Variants in PTCHD4 observed in about 807,000 individuals in gnomAD.
PTCHD4 encodes the protein patched domain-containing protein 4.
A neutral mutation model predicts 58.1 loss-of-function variants in PTCHD4; 33 were observed. That is an observed-to-expected ratio of 0.57 (90% CI 0.43 to 0.76). PTCHD4 has a LOEUF of 0.76. PTCHD4 is among the 30% of genes least tolerant of loss of function. The pLI, the probability that PTCHD4 is intolerant of heterozygous loss-of-function variation, is 0.00. For synonymous variants in PTCHD4, 478 were observed against 409.6 expected (o/e 1.17, Z -2.02); for missense variants, 1,058 against 1,027.1 (o/e 1.03, Z -0.41).
At chr6:47,909,800 T>C (rs371849019) in intron 4 of PTCHD4, among the ~76,000 whole-genome samples, 22 of 152,112 alleles carry the variant, frequency 1.4e-4, no homozygotes, top group African/African-American at 5.3e-4. Context: ...ATTCTTCCTT[T>C]TTTCCTTTCT....
At chr6:48,093,861 A>T (rs1765412382) in intron 1 of PTCHD4, among the ~76,000 whole-genome samples, 1 of 152,182 alleles carries the variant, frequency 6.6e-6, no homozygotes, top group Non-Finnish European at 1.5e-5. Flanking sequence ...GGAGAATTAC[A>T]CTGAAGCTGC....
chr6:48,025,420 A>G (rs1041774172), intron 3 of PTCHD4, among the ~76,000 whole-genome samples: 1 of 152,178 alleles, frequency 6.6e-6, no homozygotes, highest in Admixed American at 6.5e-5. Flanking sequence ...AATTTGGTCC[A>G]TTGTTCTTAA....
intron 4 of PTCHD4, among the ~76,000 whole-genome samples, chr6:47,983,222 A>G (rs1300396465): frequency 6.6e-6 from 1 of 152,198 alleles, no homozygotes; most frequent in African/African-American, 2.4e-5. Flanking sequence ...TTTGGGTACT[A>G]AAGTATATGA....
chr6:47,986,586 T>C lies in PTCHD4; in HGVS notation c.898+22048A>G, dbSNP rs149459044. On this transcript the variant is annotated intron_variant, in intron 4 of 4. Coordinates refer to ENST00000339488, the MANE Select transcript of PTCHD4 (RefSeq NM_001384253.1). ...TGATATGGAGATATATGTGACTGCT[T>C]CTACCTGTCTTCAACTGCTTTATAA... is the stretch of plus-strand genomic sequence containing the variant. 8.2e-3 allele frequency among the ~76,000 whole-genome samples: 1,256 copies of C among 152,248 alleles called. 19 individuals are homozygous for C. Among genetic ancestry groups the C allele is most frequent in the Non-Finnish European group, 0.01 (691 of 67,984 alleles).
intron 1 of PTCHD4, among the ~76,000 whole-genome samples, chr6:48,096,192 T>C: frequency 6.6e-6 from 1 of 152,136 alleles, no homozygotes; most frequent in East Asian, 1.9e-4. Context: ...GGAAGTGACA[T>C]TTCAATTAGT....
intron 3 of PTCHD4, among the ~76,000 whole-genome samples, chr6:48,046,902 C>G (rs779758333): frequency 6.6e-6 from 1 of 151,716 alleles, no homozygotes. Flanking sequence ...GGTTATATTC[C>G]TAACTTCTAA....
At chr6:48,078,574 A>G (rs1477528945) in intron 1 of PTCHD4, among the ~76,000 whole-genome samples, 3 of 152,202 alleles carry the variant, frequency 2.0e-5, no homozygotes, top group Admixed American at 1.3e-4. Flanking sequence ...GCATTTTTAG[A>G]TTTATTCTCT....
intron 4 of PTCHD4, among the ~76,000 whole-genome samples, chr6:47,992,970 G>C (rs528284544): frequency 1.5e-3 from 233 of 152,294 alleles, no homozygotes; most frequent in African/African-American, 5.5e-3. Context: ...AAGGACTTCA[G>C]GGTGAGTGTG....
chr6:47,901,709 G>T, intron 4 of PTCHD4: 1 of 1,167,154 alleles, frequency 8.6e-7, no homozygotes, highest in Non-Finnish European at 1.1e-6. Context: ...AAAATAGAGG[G>T]CTGGGTTCTT....
intron 4 of PTCHD4, among the ~76,000 whole-genome samples, chr6:47,887,343 T>C (rs1433619827): frequency 1.3e-5 from 2 of 151,352 alleles, no homozygotes; most frequent in African/African-American, 2.4e-5. Context: ...TTACTATTTA[T>C]CATTAGTTCT....
At position 48,069,142 on chromosome 6, in the gene PTCHD4, G is replaced by A. The variant is rs192712850; in HGVS notation, c.-185C>T. On this transcript the variant is annotated 5_prime_UTR_variant, in exon 2 of 5. Transcript: ENST00000339488. ...AGAAGCAGACATGTGCCCCATAAAG[G>A]GGGGGGGGGCTGAGGGGGGGAGAGG... is the stretch of plus-strand genomic sequence containing the variant. 4.2e-5 allele frequency among the ~76,000 whole-genome samples: 4 copies of A among 95,700 alleles called. No homozygotes were observed. Among genetic ancestry groups the A allele is most frequent in the Admixed American group, 9.6e-5 (1 of 10,398 alleles). 62.8% of individuals were successfully genotyped at this position (95,700 alleles called of 152,430 possible).
intron 3 of PTCHD4, among the ~76,000 whole-genome samples, chr6:48,029,094 A>G (rs1453609788): frequency 6.6e-6 from 1 of 152,118 alleles, no homozygotes; most frequent in Admixed American, 6.6e-5. Context: ...TGCTGGTATA[A>G]TACTATCAAT....
chr6:47,980,883 A>G (rs1767861194), intron 4 of PTCHD4, among the ~76,000 whole-genome samples: 1 of 151,982 alleles, frequency 6.6e-6, no homozygotes, highest in African/African-American at 2.4e-5. Context: ...TAATAGTTGC[A>G]TTCTGTTTTA....
intron 3 of PTCHD4, among the ~76,000 whole-genome samples, chr6:48,027,588 G>GTCC (rs1763293235): frequency 6.6e-6 from 1 of 151,964 alleles, no homozygotes; most frequent in African/African-American, 2.4e-5. Context: ...TATAAATCTA[G>GTCC]ATCATTTCTA....
At chr6:48,064,151 C>T (rs765764784) in intron 3 of PTCHD4, among the ~76,000 whole-genome samples, 13 of 152,148 alleles carry the variant, frequency 8.5e-5, no homozygotes, top group Non-Finnish European at 1.8e-4. Context: ...CTTTATTTCT[C>T]TATCACCGTT....
intron 1 of PTCHD4, among the ~76,000 whole-genome samples, chr6:48,078,988 G>T (rs566339578): frequency 4.7e-4 from 72 of 152,008 alleles, no homozygotes; most frequent in African/African-American, 1.7e-3. Flanking sequence ...GCGTGGTGCC[G>T]GGCGCCTGTA....
At chr6:47,913,062 A>G (rs1242459264) in intron 4 of PTCHD4, among the ~76,000 whole-genome samples, 9 of 152,110 alleles carry the variant, frequency 5.9e-5, no homozygotes, top group Non-Finnish European at 1.5e-5. Context: ...TACAGTTTGT[A>G]TTTGTTAAAA....
chr6:48,076,865 GC>G (rs1324494465), intron 1 of PTCHD4, among the ~76,000 whole-genome samples: 2 of 152,218 alleles, frequency 1.3e-5, no homozygotes, highest in Non-Finnish European at 2.9e-5. Context: ...TTATTTGAGT[GC>G]AGTTTTAACA....
chr6:47,933,438 G>GA (rs1765891321), intron 4 of PTCHD4, among the ~76,000 whole-genome samples: 1 of 152,220 alleles, frequency 6.6e-6, no homozygotes. Context: ...GCACTGGAGA[G>GA]AGCTTGGCTG....
Sources: allele counts gnomAD v4.1 joint callset (sites outside exome capture counted in the v4.1 genomes callset), GRCh38; gene constraint gnomAD v4.1.1; transcripts MANE v1.5; gene names NCBI Gene and HGNC (gene_info 2026-07-23, HGNC 2026-07-21).